The following SHISA6 variants were observed in gnomAD, a reference collection of about 807,000 sequenced individuals.
SHISA6 encodes the protein protein shisa-6.
Under a neutral mutation model 47.9 loss-of-function variants are expected in SHISA6, and 22 were observed. That is an observed-to-expected ratio of 0.46 (90% confidence interval 0.33 to 0.66). SHISA6 has a LOEUF of 0.66. Among genes scored for constraint, SHISA6 ranks in the 30% least tolerant of loss-of-function variants. SHISA6 has a pLI of 0.02. For synonymous variants in SHISA6, 388 were observed against 337.8 expected (o/e 1.15, Z -1.63); for missense variants, 680 against 764.6 (o/e 0.89, Z 1.30).
chr17:11,266,889 G>GT (rs763062803), intron 2 of SHISA6, among the ~76,000 whole-genome samples: 1 of 152,168 alleles, frequency 6.6e-6, no homozygotes, highest in Non-Finnish European at 1.5e-5. Context: ...CTTGGTCAGG[G>GT]TTTTGGACAT....
rs541842443 is a variant in SHISA6 at position 11,266,567 on chromosome 17, A to G, written c.799+3041A>G. ...GTCTTTCCAAGTTTCTTTGTCTGCTATTGAAGCCAATCATACCTGTAGGTC... is the reference window on the plus strand; with the variant it reads ...GTCTTTCCAAGTTTCTTTGTCTGCTGTTGAAGCCAATCATACCTGTAGGTC... On this transcript the variant is annotated intron_variant, in intron 2 of 5. Transcript: ENST00000441885. Among the ~76,000 whole-genome samples the G allele has an allele frequency of 2.4e-3, 367 of 152,326 alleles. 1 individual carries two copies. The highest frequency in any genetic ancestry group is 8.2e-3 in the African/African-American group (340 of 41,578).
intron 3 of SHISA6, among the ~76,000 whole-genome samples, chr17:11,533,332 C>T (rs965611887): frequency 7.2e-5 from 11 of 152,054 alleles, no homozygotes; most frequent in East Asian, 5.8e-4. Flanking sequence ...CTTGCCATGC[C>T]GTCAACAGCC....
intron 3 of SHISA6, among the ~76,000 whole-genome samples, chr17:11,521,178 T>C (rs889672644): frequency 1.3e-5 from 2 of 152,232 alleles, no homozygotes; most frequent in Non-Finnish European, 2.9e-5. Context: ...ATTTCTTTAT[T>C]AAGATAACTG....
chr17:11,310,741 G>A (rs907575447), intron 2 of SHISA6, among the ~76,000 whole-genome samples: 17 of 151,810 alleles, frequency 1.1e-4, no homozygotes, highest in South Asian at 2.1e-4. Context: ...TTGGGAGGCC[G>A]AGGTGGGCAG....
At chr17:11,524,002 G>A (rs974480015) in intron 3 of SHISA6, among the ~76,000 whole-genome samples, 11 of 145,106 alleles carry the variant, frequency 7.6e-5, no homozygotes, top group Non-Finnish European at 1.3e-4. Flanking sequence ...AGTGAAACTC[G>A]GTCTCAAAGA....
At chr17:11,426,213 G>A (rs760769974) in intron 3 of SHISA6, among the ~76,000 whole-genome samples, 6 of 152,204 alleles carry the variant, frequency 3.9e-5, no homozygotes, top group Non-Finnish European at 7.3e-5. Context: ...GAAGGTGAAA[G>A]GGAAATCCTA....
intron 3 of SHISA6, among the ~76,000 whole-genome samples, chr17:11,384,548 A>G (rs975562292): frequency 6.6e-6 from 1 of 152,222 alleles, no homozygotes; most frequent in African/African-American, 2.4e-5. Context: ...TGGTTGAAAA[A>G]GCCAGAGAAT....
chr17:11,485,186 G>A (rs543936005), intron 3 of SHISA6, among the ~76,000 whole-genome samples: 2 of 152,244 alleles, frequency 1.3e-5, no homozygotes, highest in Admixed American at 1.3e-4. Context: ...TGGGATAGAT[G>A]GGAAAGAAGG....
At chr17:11,387,368 A>G (rs868421500) in intron 3 of SHISA6, among the ~76,000 whole-genome samples, 5 of 152,242 alleles carry the variant, frequency 3.3e-5, no homozygotes, top group African/African-American at 9.6e-5. Flanking sequence ...AAAAGTGACC[A>G]TCCTGAGGCC....
chr17:11,349,026 C>T (rs112876521), intron 2 of SHISA6, among the ~76,000 whole-genome samples: 3 of 152,142 alleles, frequency 2.0e-5, no homozygotes, highest in Admixed American at 6.5e-5. Flanking sequence ...AAAAAAGGAG[C>T]TCTGCACCAG....
At chr17:11,402,434 C>T (rs1310986099) in intron 3 of SHISA6, among the ~76,000 whole-genome samples, 1 of 152,232 alleles carries the variant, frequency 6.6e-6, no homozygotes, top group Admixed American at 6.5e-5. Context: ...GTTCTCCAAA[C>T]TCCTGTTTCC....
At chr17:11,438,876 G>A (rs1481921287) in intron 3 of SHISA6, among the ~76,000 whole-genome samples, 1 of 152,152 alleles carries the variant, frequency 6.6e-6, no homozygotes, top group African/African-American at 2.4e-5. Context: ...GCAAGATTGG[G>A]TTCCCCCAAG....
chr17:11,485,939 A>G (rs1916338214), intron 3 of SHISA6, among the ~76,000 whole-genome samples: 1 of 152,018 alleles, frequency 6.6e-6, no homozygotes, highest in Non-Finnish European at 1.5e-5. Context: ...ATCTGGCTTC[A>G]TTTCTCCTCC....
chr17:11,431,210 A>G (rs1914762768), intron 3 of SHISA6, among the ~76,000 whole-genome samples: 2 of 152,116 alleles, frequency 1.3e-5, no homozygotes, highest in Non-Finnish European at 2.9e-5. Context: ...ACTCTCCTCC[A>G]TGCCACTGAG....
At chr17:11,496,671 G>A (rs531033830) in intron 3 of SHISA6, among the ~76,000 whole-genome samples, 8 of 151,992 alleles carry the variant, frequency 5.3e-5, no homozygotes, top group East Asian at 3.9e-4. Context: ...CCTGGGAGGC[G>A]GAGGTTGCAG....
intron 1 of SHISA6, among the ~76,000 whole-genome samples, chr17:11,260,738 A>C (rs1908203392): frequency 2.9e-5 from 4 of 138,526 alleles, no homozygotes; most frequent in African/African-American, 2.7e-5. Context: ...ACCCCCTCTC[A>C]CTCTCCTTCT....
chr17:11,374,026 A>G (rs1330745572), intron 2 of SHISA6, among the ~76,000 whole-genome samples: 1 of 152,194 alleles, frequency 6.6e-6, no homozygotes, highest in African/African-American at 2.4e-5. Flanking sequence ...AGAAAGGTAC[A>G]TGAGTTCTTG....
intron 3 of SHISA6, among the ~76,000 whole-genome samples, chr17:11,479,732 T>C (rs531866671): frequency 4.3e-4 from 65 of 152,018 alleles, no homozygotes; most frequent in African/African-American, 1.5e-3. Flanking sequence ...GCTAAGCATA[T>C]ACAAGCATAT....
chr17:11,296,065 A>G (rs1335154925), intron 2 of SHISA6, among the ~76,000 whole-genome samples: 2 of 151,932 alleles, frequency 1.3e-5, no homozygotes, highest in African/African-American at 2.4e-5. Context: ...TGCTCTAGGA[A>G]CTGTCAGAAG....
Sources: gnomAD v4.1 joint callset for allele counts (sites outside exome capture counted in the v4.1 genomes callset) on GRCh38, gnomAD v4.1.1 for gene constraint, MANE v1.5 for transcripts, NCBI Gene and HGNC (gene_info 2026-07-23, HGNC 2026-07-21) for gene names.